The following DTNA variants were observed in gnomAD, a reference collection of about 807,000 sequenced individuals.
The protein encoded by DTNA is dystrophin-related protein 3.
In DTNA, 43 loss-of-function variants were observed where a neutral mutation model predicts 100.7. That is an observed-to-expected ratio of 0.43 (90% confidence interval 0.33 to 0.55). The LOEUF (loss-of-function observed/expected upper bound fraction) is 0.55. Ranked by LOEUF, DTNA falls within the 20% of genes least tolerant of loss-of-function variation. The probability of loss-of-function intolerance (pLI) is 0.04; values close to 1 mark genes in which losing one functional copy is unlikely to be tolerated. For synonymous variants in DTNA, 349 were observed against 347.9 expected, an observed-to-expected ratio of 1.00 and a Z score of -0.04; for missense variants, 798 against 953.9, an observed-to-expected ratio of 0.84 and a Z score of 2.15.
intron 1 of DTNA, among the ~76,000 whole-genome samples, chr18:34,554,872 G>T (rs1384551763): frequency 6.6e-6 from 1 of 150,688 alleles, no homozygotes; most frequent in Non-Finnish European, 1.5e-5. Flanking sequence ...TTTGGTATCA[G>T]AATGATGCTG....
Position 34,703,028 on chromosome 18 carries a change from A to G in DTNA, c.-1-52948A>G, listed in dbSNP as rs560691723. On this transcript the variant is annotated intron_variant, in intron 1 of 19. Transcript: ENST00000283365. Reference sequence around the variant, plus strand: ...GTCTGCAGTGTGTACTGAGGATGTCATAAAGTCTGAAACAGATAAAATAGT... The same window carrying G: ...GTCTGCAGTGTGTACTGAGGATGTCGTAAAGTCTGAAACAGATAAAATAGT... 2.0e-5 allele frequency among the ~76,000 whole-genome samples: 3 copies of G among 152,348 alleles called. No homozygotes were observed. The East Asian group carries it at 5.8e-4, about 29-fold the overall frequency.
chr18:34,571,443 T>C (rs927832403), intron 1 of DTNA, among the ~76,000 whole-genome samples: 4 of 152,080 alleles, frequency 2.6e-5, no homozygotes, highest in African/African-American at 4.8e-5. Context: ...TAAACTCAGA[T>C]GAAATATTCT....
At chr18:34,744,419 T>C (rs946481196) in intron 1 of DTNA, among the ~76,000 whole-genome samples, 2 of 152,144 alleles carry the variant, frequency 1.3e-5, no homozygotes, top group African/African-American at 4.8e-5. Context: ...TATTGGTATT[T>C]CTTTTCCCAC....
intron 13 of DTNA, among the ~76,000 whole-genome samples, chr18:34,839,640 G>A (rs1174035807): frequency 1.3e-5 from 2 of 152,042 alleles, no homozygotes; most frequent in East Asian, 3.9e-4. Context: ...AACATATTTA[G>A]CAAACCAATT....
rs1568831199 is a variant in DTNA, at chr18:34,863,987, A to T, written c.1668A>T (p.Glu556Asp). The part of the protein sequence containing the change: ...RLLRQRKDEL[E>D]QRMSALQESR... ...TTAGACAGCGCAAAGATGAGCTGGA[A>T]CAGAGAATGTCTGCTCTCCAGGAGA... The change falls in exon 17 of 23, where the codon GAA becomes GAT. Residue 556 changes from glutamate (E) to aspartate (D), a missense_variant. This residue lies in a region of DTNA where 26 missense variants were observed against 55.0 expected (regional missense o/e 0.47). Transcript: ENST00000444659. The T allele has an allele frequency of 6.2e-7, 1 of 1,611,856 alleles. No individual in the cohort carries two copies.
chr18:34,784,084 C>A (rs961541433), intron 3 of DTNA, among the ~76,000 whole-genome samples: 1 of 152,164 alleles, frequency 6.6e-6, no homozygotes, highest in Non-Finnish European at 1.5e-5. Flanking sequence ...GCCCTGGCCA[C>A]ACTCTAGACC....
intron 1 of DTNA, among the ~76,000 whole-genome samples, chr18:34,648,788 G>A (rs917826492): frequency 1.3e-5 from 2 of 152,128 alleles, no homozygotes; most frequent in African/African-American, 4.8e-5. Flanking sequence ...GTTTCCCTTT[G>A]TCTTCAAGAA....
intron 1 of DTNA, among the ~76,000 whole-genome samples, chr18:34,745,806 C>T (rs2091478515): frequency 6.6e-6 from 1 of 152,134 alleles, no homozygotes; most frequent in Non-Finnish European, 1.5e-5. Context: ...TCTTCTAAAC[C>T]AGCCCATGCA....
At chr18:34,558,449 C>T (rs1048581571) in intron 1 of DTNA, among the ~76,000 whole-genome samples, 6 of 152,162 alleles carry the variant, frequency 3.9e-5, no homozygotes, top group Non-Finnish European at 1.5e-5. Context: ...TTACCAAGTG[C>T]CTGTTGTGTG....
Position 34,888,691 on chromosome 18 carries a change from A to C in DTNA, c.*957A>C. 1.0e-6 allele frequency: 1 copy of C among 985,866 alleles called. No homozygotes were observed. Among genetic ancestry groups the C allele is most frequent in the Non-Finnish European group, 1.2e-6 (1 of 829,932 alleles). The allele number at this position is 985,866 out of a possible 1,614,324, so 61.1% of individuals were successfully genotyped here. On this transcript the variant is annotated 3_prime_UTR_variant, in exon 23 of 23. Transcript: ENST00000444659. ...AACCACAGGTGCCATAAGATCCCCA[A>C]ACGGACTAAAGTTATCTCTGCTCTT...
chr18:34,754,763 G>A lies in DTNA; in HGVS notation c.-1-1213G>A, dbSNP rs572691828. Among the ~76,000 whole-genome samples, 5 of 152,230 alleles carry A rather than the reference G, an allele frequency of 3.3e-5. No individual in the cohort carries two copies. In the South Asian group the frequency reaches 1.0e-3, roughly 32 times the overall value. On this transcript the variant is annotated intron_variant, in intron 1 of 22. Coordinates refer to ENST00000444659, the MANE Select transcript of DTNA (RefSeq NM_001386795.1). ...ATCACCTCACCAACTTATTTTTTGT[G>A]GTGAACATGCTGTTTGTTGAGTGAG...
At chr18:34,561,973 C>T (rs558183630) in intron 1 of DTNA, among the ~76,000 whole-genome samples, 1 of 152,254 alleles carries the variant, frequency 6.6e-6, no homozygotes, top group Admixed American at 6.5e-5. Flanking sequence ...TAAGTGATTG[C>T]ATTTTTTTCT....
chr18:34,500,067 A>C (rs1332549868), intron 1 of DTNA, among the ~76,000 whole-genome samples: 1 of 152,138 alleles, frequency 6.6e-6, no homozygotes, highest in Non-Finnish European at 1.5e-5. Context: ...TAAATTTTAG[A>C]ATTACCTTTA....
intron 1 of DTNA, among the ~76,000 whole-genome samples, chr18:34,670,880 TGAG>T (rs909417799): frequency 3.9e-4 from 60 of 152,268 alleles, no homozygotes; most frequent in African/African-American, 1.4e-3. Flanking sequence ...GGGACCCACT[TGAG>T]GAGGCAGTCT....
At chr18:34,754,509 C>A (rs1466270002) in intron 1 of DTNA, among the ~76,000 whole-genome samples, 9 of 152,150 alleles carry the variant, frequency 5.9e-5, no homozygotes, top group Non-Finnish European at 1.3e-4. Context: ...CTGGCTTGAT[C>A]ACTGTGATGC....
At chr18:34,610,306 G>T (rs1419760724) in intron 1 of DTNA, among the ~76,000 whole-genome samples, 1 of 152,158 alleles carries the variant, frequency 6.6e-6, no homozygotes, top group African/African-American at 2.4e-5. Context: ...AAGAGCTGGT[G>T]TTTCTCTCAT....
intron 1 of DTNA, among the ~76,000 whole-genome samples, chr18:34,553,219 G>T (rs2145989396): frequency 6.6e-6 from 1 of 151,736 alleles, no homozygotes; most frequent in African/African-American, 2.4e-5. Flanking sequence ...ACTTTTTGAT[G>T]GGGTTGTTTG....
chr18:34,589,762 A>G (rs1199151733), intron 1 of DTNA, among the ~76,000 whole-genome samples: 1 of 151,868 alleles, frequency 6.6e-6, no homozygotes, highest in Admixed American at 6.6e-5. Context: ...TTTGATCTAT[A>G]TCTTCCCATT....
chr18:34,596,789 A>G (rs2050701253), intron 1 of DTNA, among the ~76,000 whole-genome samples: 1 of 152,172 alleles, frequency 6.6e-6, no homozygotes, highest in African/African-American at 2.4e-5. Flanking sequence ...AGAAAATTGC[A>G]TATGCATGCT....
Sources: gnomAD v4.1 joint callset for allele counts (sites outside exome capture counted in the v4.1 genomes callset) on GRCh38, gnomAD v4.1.1 for gene constraint, gnomAD v4.1.1 regional missense constraint, MANE v1.5 for transcripts, NCBI Gene and HGNC (gene_info 2026-07-23, HGNC 2026-07-21) for gene names.